The following BBOF1 variants were observed in gnomAD, a reference collection of about 807,000 sequenced individuals.
BBOF1 encodes the protein basal body orientation factor 1.
Under a neutral mutation model 68.0 loss-of-function variants are expected in BBOF1, and 62 were observed. The observed-to-expected ratio is 0.91, with a 90% CI of 0.74 to 1.13. BBOF1 has a LOEUF of 1.13. Among genes scored for constraint, BBOF1 ranks in the 50% most tolerant of loss-of-function variants. The pLI is 0.00. For synonymous variants in BBOF1, 208 were observed against 198.8 expected, an observed-to-expected ratio of 1.05 and a Z score of -0.39; for missense variants, 534 against 600.1, an observed-to-expected ratio of 0.89 and a Z score of 1.15.
At chr14:74,067,644 C>T, downstream of BBOF1, 1 of 1,508,912 alleles carries the variant, frequency 6.6e-7, no homozygotes, top group Admixed American at 1.7e-5. Context: ...AGCAGTGGAC[C>T]AGGTGTGGTG....
At chr14:74,046,497 T>A (rs1042162025) in intron 6 of BBOF1, among the ~76,000 whole-genome samples, 1 of 152,044 alleles carries the variant, frequency 6.6e-6, no homozygotes, top group East Asian at 1.9e-4. Context: ...CTCAGCCTCC[T>A]GAGTAGCTGG....
downstream of BBOF1, chr14:74,067,262 A>G: frequency 8.4e-7 from 1 of 1,196,734 alleles, no homozygotes; most frequent in Non-Finnish European, 1.2e-6. Flanking sequence ...TACAGTATAA[A>G]GAGAGGAAAT....
At chr14:74,067,505 A>G (rs758405647), downstream of BBOF1, 7 of 1,614,110 alleles carry the variant, frequency 4.3e-6, no homozygotes, top group Non-Finnish European at 5.1e-6. Context: ...TGCTGCCCCA[A>G]CCAGCTGGTT....
intron 9 of BBOF1, among the ~76,000 whole-genome samples, chr14:74,075,394 C>T (rs763756816): frequency 3.3e-5 from 5 of 152,094 alleles, no homozygotes; most frequent in East Asian, 3.9e-4. Context: ...TGGTGACTCA[C>T]GCCTGTAATC....
At position 74,019,378 on chromosome 14, in the gene BBOF1, G is replaced by T. The variant is rs1441549024; in HGVS notation, c.-101G>T. ...TCCGCGCGCCGTCAGCGGCGCGGGTGGGGCATTGCCAGCTCGGCGTCCCGG... is the reference window on the plus strand; with the variant it reads ...TCCGCGCGCCGTCAGCGGCGCGGGTTGGGCATTGCCAGCTCGGCGTCCCGG... On this transcript the variant is annotated 5_prime_UTR_variant, in exon 1 of 12. Coordinates refer to ENST00000394009, the MANE Select transcript of BBOF1 (RefSeq NM_025057.3). The T allele has an allele frequency of 7.0e-7, 1 of 1,428,432 alleles. No individual in the cohort carries two copies. The highest frequency in any genetic ancestry group is 9.2e-7 in the Non-Finnish European group (1 of 1,081,938). 88.5% of individuals were successfully genotyped at this position (1,428,432 alleles called of 1,614,324 possible).
intron 6 of BBOF1, 132 bp from the exon 7 acceptor site, chr14:74,047,798 A>G: frequency 1.4e-6 from 1 of 710,716 alleles, no homozygotes; most frequent in East Asian, 2.9e-5. Context: ...ACTACTGAGT[A>G]CCCACCATAA....
intron 2 of BBOF1, among the ~76,000 whole-genome samples, chr14:74,028,707 C>A (rs915572173): frequency 6.6e-6 from 1 of 151,148 alleles, no homozygotes; most frequent in Non-Finnish European, 1.5e-5. Context: ...AAGACTCCAT[C>A]TCTATTTTTT....
downstream of BBOF1, chr14:74,067,532 T>C (rs1275890911): frequency 1.9e-6 from 3 of 1,614,176 alleles, no homozygotes; most frequent in East Asian, 4.5e-5. Flanking sequence ...ATTTTCCTTA[T>C]TGGCATCTGG....
intron 9 of BBOF1, chr14:74,072,575 C>T: frequency 6.2e-7 from 1 of 1,613,966 alleles, no homozygotes; most frequent in Non-Finnish European, 8.5e-7. Context: ...CTTTTGGATT[C>T]AACGAATTTC....
chr14:74,047,595 G>A lies in BBOF1; in HGVS notation c.648-335G>A, dbSNP rs114922369. 6.9e-3 allele frequency among the ~76,000 whole-genome samples: 1,055 copies of A among 151,914 alleles called. 16 individuals carry two copies. The highest frequency in any genetic ancestry group is 0.024 in the African/African-American group (1,011 of 41,406). ...ACAGACTACAGGTGCAAACCACCAC[G>A]TCTGGCTAATTTTTTAGATTTTCTG... On this transcript the variant is annotated intron_variant, in intron 6 of 11. Transcript: ENST00000394009.
In BBOF1 at chr14:74,050,063, C is replaced by T; in HGVS notation, c.1154C>T (p.Ala385Val). Residue 385 changes from alanine (A) to valine (V), a missense_variant, in exon 8 of 12, where the codon GCA becomes GTA. By Grantham distance (64) the Ala-to-Val change is moderately conservative. Coordinates refer to ENST00000394009, the MANE Select transcript of BBOF1 (RefSeq NM_025057.3). ...LISRKHYKQI[A>V]QAAFNLKMRA... is the part of the protein sequence containing the mutation. ...AGCAGGAAGCATTATAAGCAGATAG[C>T]ACAAGCTGCTTTCAATTTAAAAATG... is the stretch of plus-strand genomic sequence containing the variant. The T allele has an allele frequency of 6.2e-7, 1 of 1,614,060 alleles. No individual in the cohort carries two copies. Among genetic ancestry groups the T allele is most frequent in the Non-Finnish European group, 8.5e-7 (1 of 1,179,992 alleles).
intron 9 of BBOF1, among the ~76,000 whole-genome samples, chr14:74,076,348 G>A (rs1342610021): frequency 6.6e-6 from 1 of 152,134 alleles, no homozygotes; most frequent in Non-Finnish European, 1.5e-5. Flanking sequence ...CACTAAAAAA[G>A]TCTGTATATA....
chr14:74,022,503 G>A (rs781558706), intron 1 of BBOF1, among the ~76,000 whole-genome samples: 6 of 152,120 alleles, frequency 3.9e-5, no homozygotes, highest in Non-Finnish European at 7.4e-5. Flanking sequence ...AGCCGAGATC[G>A]TGCTACTGCA....
chr14:74,019,427 A>C lies in BBOF1; in HGVS notation c.-52A>C, dbSNP rs2059193723. 2.6e-6 allele frequency: 4 copies of C among 1,566,540 alleles called. No individual in the cohort carries two copies. The highest frequency in any genetic ancestry group is 1.4e-5 in the African/African-American group (1 of 73,550). The stretch of plus-strand genomic sequence containing the variant: ...GGTTCCCTTGGAGACAGAGCTGGCC[A>C]GGGCGGCCGCGGCTGGGCAACTACG... On this transcript the variant is annotated 5_prime_UTR_variant, in exon 1 of 12. Transcript: ENST00000394009.
downstream of BBOF1, among the ~76,000 whole-genome samples, chr14:74,069,965 C>T (rs1183770872): frequency 6.6e-6 from 1 of 151,202 alleles, no homozygotes; most frequent in Non-Finnish European, 1.5e-5. Flanking sequence ...TGTCTTCCCA[C>T]CTCATGGGAC....
At chr14:74,067,392 T>C (rs2060483418), downstream of BBOF1, 4 of 1,613,448 alleles carry the variant, frequency 2.5e-6, no homozygotes, top group South Asian at 2.2e-5. Context: ...GCATTGACTC[T>C]CAGGTTTTTG....
At chr14:74,066,730 C>T, downstream of BBOF1, 1 of 1,614,014 alleles carries the variant, frequency 6.2e-7, no homozygotes, top group South Asian at 1.1e-5. Flanking sequence ...GATGGTTGGT[C>T]CAACAAAGTT....
At chr14:74,067,035 G>A (rs539979222), downstream of BBOF1, 52 of 789,502 alleles carry the variant, frequency 6.6e-5, no homozygotes, top group African/African-American at 3.5e-5. Context: ...GGGCAACAAA[G>A]TGAGACTTCA....
intron 2 of BBOF1, among the ~76,000 whole-genome samples, chr14:74,024,716 T>C (rs924963576): frequency 7.2e-5 from 11 of 152,122 alleles, no homozygotes; most frequent in Admixed American, 7.2e-4. Flanking sequence ...TCCACCCGCG[T>C]TGGCCTCCCA....
Sources: allele counts gnomAD v4.1 joint callset (sites outside exome capture counted in the v4.1 genomes callset), GRCh38; gene constraint gnomAD v4.1.1; transcripts MANE v1.5; gene names NCBI Gene and HGNC (gene_info 2026-07-23, HGNC 2026-07-21).